C4orf51: variants seen among roughly 807,000 people sequenced by gnomAD.
C4orf51 encodes chromosome 4 open reading frame 51.
In C4orf51, 25 loss-of-function variants were observed where a neutral mutation model predicts 25.2. The observed-to-expected ratio is 0.99, with a 90% CI of 0.72 to 1.39. The LOEUF (loss-of-function observed/expected upper bound fraction) is 1.39, where lower values mean the gene tolerates loss of function less well. Ranked by LOEUF, C4orf51 falls within the 40% of genes most tolerant of loss-of-function variation. The pLI is 0.00. For synonymous variants in C4orf51, 100 were observed against 84.5 expected (o/e 1.18, Z -1.01); for missense variants, 252 against 239.6 (o/e 1.05, Z -0.34).
chr4:145,748,958 G>T (rs1733526219), intron 1 of C4orf51, among the ~76,000 whole-genome samples: 1 of 151,608 alleles, frequency 6.6e-6, no homozygotes, highest in Admixed American at 6.6e-5. Context: ...CAACGCTGAA[G>T]GTGGGATGTT....
In C4orf51 at chr4:145,699,955, CCTT is replaced by C. The variant is rs574710852; in HGVS notation, c.307+3326_307+3328del. On this transcript the variant is annotated intron_variant, in intron 2 of 5. Transcript: ENST00000438731. ...GGGGAGGGGCAAGCACCCCTCAACA[CCTT>C]CTCCTTCACCCTTGGTGGCAAGTCC... is the stretch of plus-strand genomic sequence containing the variant. Among the ~76,000 whole-genome samples, 26 of 152,218 alleles carry C rather than the reference CCTT, an allele frequency of 1.7e-4. No individual in the cohort carries two copies. The South Asian group carries it at 5.2e-3, about 30-fold the overall frequency.
the C4orf51 span, among the ~76,000 whole-genome samples, chr4:145,792,335 T>C: frequency 1.3e-5 from 2 of 151,192 alleles, no homozygotes; most frequent in African/African-American, 2.4e-5. Flanking sequence ...TGAATTTGTA[T>C]ATGAAAGTCA....
chr4:145,746,721 T>G (rs1361708200), intron 1 of C4orf51, among the ~76,000 whole-genome samples: 2 of 152,166 alleles, frequency 1.3e-5, no homozygotes, highest in African/African-American at 4.8e-5. Context: ...TATATACACT[T>G]TAGAATTTTT....
chr4:145,697,808 G>A (rs1244765014), intron 2 of C4orf51, among the ~76,000 whole-genome samples: 1 of 152,178 alleles, frequency 6.6e-6, no homozygotes, highest in Non-Finnish European at 1.5e-5. Flanking sequence ...GAATAATGCT[G>A]TAATGAACAT....
intron 1 of C4orf51, among the ~76,000 whole-genome samples, chr4:145,681,974 T>C (rs1728865445): frequency 6.6e-6 from 1 of 152,016 alleles, no homozygotes; most frequent in African/African-American, 2.4e-5. Flanking sequence ...TGTCTGAAAA[T>C]AGTGTTTGAA....
chr4:145,733,982 C>CATT (rs559618931), downstream of C4orf51, among the ~76,000 whole-genome samples: 1 of 152,184 alleles, frequency 6.6e-6, no homozygotes, highest in African/African-American at 2.4e-5. Context: ...TAATGGCTAT[C>CATT]ATTAATTCAT....
intron 2 of C4orf51, among the ~76,000 whole-genome samples, chr4:145,720,913 G>A (rs1344897528): frequency 6.6e-6 from 1 of 152,212 alleles, no homozygotes; most frequent in Non-Finnish European, 1.5e-5. Flanking sequence ...AAGGGAACTA[G>A]ATGACTGAAA....
chr4:145,697,956 A>G (rs1212477157), intron 2 of C4orf51, among the ~76,000 whole-genome samples: 2 of 152,198 alleles, frequency 1.3e-5, no homozygotes, highest in Non-Finnish European at 2.9e-5. Context: ...AATAGTGGAT[A>G]AGGGTTTCCT....
chr4:145,729,893 T>C lies in C4orf51; in HGVS notation c.429T>C (p.Cys143=), dbSNP rs769857474. 3.7e-5 allele frequency: 59 copies of C among 1,613,322 alleles called. No homozygotes were observed. The highest frequency in any genetic ancestry group is 6.8e-6 in the Non-Finnish European group (8 of 1,179,418). Residue 143 remains cysteine, a splice_region_variant and synonymous_variant, in exon 5 of 6, where the codon TGT becomes TGC. Transcript: ENST00000438731. ...ACATTGGCTATCTCTTCACCCTAGGTGTGAGACCTAAAAAGCCAGCACAGG... is the reference window on the plus strand; with the variant it reads ...ACATTGGCTATCTCTTCACCCTAGGCGTGAGACCTAAAAAGCCAGCACAGG... ...FPTPPNYGKY[C]VRPKKPAQEA...
downstream of C4orf51, among the ~76,000 whole-genome samples, chr4:145,733,950 A>C (rs1732657369): frequency 6.6e-6 from 1 of 152,226 alleles, no homozygotes; most frequent in Admixed American, 6.5e-5. Flanking sequence ...TTCCTAGTCC[A>C]AGAAAATACA....
chr4:145,789,621 TA>T, the C4orf51 span, among the ~76,000 whole-genome samples: 1 of 152,222 alleles, frequency 6.6e-6, no homozygotes, highest in Non-Finnish European at 1.5e-5. Flanking sequence ...ACCTAGCTGG[TA>T]AGTGATAGCC....
chr4:145,761,704 A>AGGCCT lies in C4orf51; in HGVS notation n.167-9277_167-9273dup, dbSNP rs1734531719. 1.4e-6 allele frequency: 1 copy of AGGCCT among 703,502 alleles called. No individual in the cohort carries two copies. The highest frequency in any genetic ancestry group is 2.0e-6 in the Non-Finnish European group (1 of 493,526). The allele number at this position is 703,502 out of a possible 1,614,324, so 43.6% of individuals were successfully genotyped here. On this transcript the variant is annotated intron_variant and non_coding_transcript_variant, in intron 1 of 1. Coordinates refer to the C4orf51 transcript ENST00000510096. The surrounding 1 kb of genome is among the most constrained non-coding windows in gnomAD (Gnocchi z 6.8). ...CCCTCACACCACCCCCCAGTGTCTG[A>AGGCCT]GGCCTGGCCTGCCCAGCCCAGCCCA...
intron 1 of C4orf51, among the ~76,000 whole-genome samples, chr4:145,689,877 T>C (rs548567810): frequency 1.3e-4 from 20 of 152,296 alleles, no homozygotes; most frequent in African/African-American, 4.8e-4. Flanking sequence ...TCAAGATGGA[T>C]TAAAGACTTA....
downstream of C4orf51, among the ~76,000 whole-genome samples, chr4:145,774,928 A>G (rs140556789): frequency 6.6e-6 from 1 of 152,354 alleles, no homozygotes; most frequent in East Asian, 1.9e-4. Flanking sequence ...AAATAATCAT[A>G]AAGTTAATTT....
At chr4:145,782,393 G>A in the C4orf51 span, among the ~76,000 whole-genome samples, 2 of 152,156 alleles carry the variant, frequency 1.3e-5, no homozygotes. Context: ...CTCAGCAAAT[G>A]CCACACTCTC....
rs1157795130 is a variant in C4orf51 at position 145,750,334 on chromosome 4, C to CT, written n.168-3867dup. ...TTCCATTGTTGATAAAGTCCCTCAGCTTTTTTCTGGGAAAAATCTTTATTT... is the reference window on the plus strand; with the variant it reads ...TTCCATTGTTGATAAAGTCCCTCAGCTTTTTTTCTGGGAAAAATCTTTATTT... On this transcript the variant is annotated intron_variant and non_coding_transcript_variant, in intron 1 of 1. Coordinates refer to the C4orf51 transcript ENST00000508981. Among the ~76,000 whole-genome samples, 12 of 149,456 alleles carry CT rather than the reference C, an allele frequency of 8.0e-5. 1 individual carries two copies. The highest frequency in any genetic ancestry group is 3.0e-4 in the African/African-American group (12 of 40,626).
At chr4:145,714,772 T>A (rs1213529691) in intron 2 of C4orf51, among the ~76,000 whole-genome samples, 1 of 152,198 alleles carries the variant, frequency 6.6e-6, no homozygotes, top group East Asian at 1.9e-4. Flanking sequence ...TATAGTCATA[T>A]CCTCCAGTCT....
the C4orf51 span, among the ~76,000 whole-genome samples, chr4:145,785,853 C>T: frequency 6.6e-6 from 1 of 152,198 alleles, no homozygotes; most frequent in East Asian, 1.9e-4. Flanking sequence ...GAGTTTAATA[C>T]TCTTGGTTAC....
intron 1 of C4orf51, among the ~76,000 whole-genome samples, chr4:145,740,037 C>T (rs1386810202): frequency 6.6e-6 from 1 of 152,154 alleles, no homozygotes; most frequent in Non-Finnish European, 1.5e-5. Context: ...ACGTTAAGTT[C>T]AGAGTCCGCT....
Sources: gnomAD v4.1 joint callset for allele counts (sites outside exome capture counted in the v4.1 genomes callset) on GRCh38, gnomAD v4.1.1 for gene constraint, Gnocchi (gnomAD v3.1) non-coding constraint, MANE v1.5 for transcripts, NCBI Gene and HGNC (gene_info 2026-07-23, HGNC 2026-07-21) for gene names.